Variants in SPINK5 observed in about 807,000 individuals in gnomAD.
SPINK5 encodes the protein serine peptidase inhibitor Kazal type 5, also known as serine protease inhibitor Kazal-type 5.
A neutral mutation model predicts 151.8 loss-of-function variants in SPINK5; 125 were observed. That is an observed-to-expected ratio of 0.82 (90% CI 0.71 to 0.96). The LOEUF (loss-of-function observed/expected upper bound fraction) is 0.96. SPINK5 is among the 40% of genes least tolerant of loss of function. SPINK5 has a pLI of 0.00. For missense variants in SPINK5, 1,194 were observed against 1,291.9 expected (o/e 0.92, Z 1.16); for synonymous variants, 374 against 395.3 (o/e 0.95, Z 0.64).
intron 29 of SPINK5, 117 bp downstream of exon 29, chr5:148,125,967 T>C: frequency 6.7e-7 from 1 of 1,496,250 alleles, no homozygotes; most frequent in Non-Finnish European, 9.3e-7. Context: ...AATAAGTCTT[T>C]AGAATTAAAG....
Position 148,128,233 on chromosome 5 carries a change from T to A in SPINK5, c.2964+1154T>A, listed in dbSNP as rs201989349. ...TATTAACAAAATATGTTTTTTTTTTTAAATACTAAAGTATAATAGTTACAT... is the reference window on the plus strand; with the variant it reads ...TATTAACAAAATATGTTTTTTTTTTAAAATACTAAAGTATAATAGTTACAT... On this transcript the variant is annotated intron_variant, in intron 30 of 32. Transcript: ENST00000256084. Among the ~76,000 whole-genome samples, 283 of 139,350 alleles carry A rather than the reference T, an allele frequency of 2.0e-3. 7 individuals are homozygous for A. The East Asian group carries it at 0.053, about 26-fold the overall frequency. 91.4% of individuals were successfully genotyped at this position (139,350 alleles called of 152,430 possible).
At chr5:148,125,920 T>G in intron 29 of SPINK5, 70 bp downstream of exon 29, 1 of 1,604,724 alleles carries the variant, frequency 6.2e-7, no homozygotes, top group Non-Finnish European at 8.5e-7. Flanking sequence ...GCTGCTTGAA[T>G]AAGTTTGTAT....
chr5:148,129,375 G>T (rs2113228426), intron 30 of SPINK5, among the ~76,000 whole-genome samples: 1 of 152,318 alleles, frequency 6.6e-6, no homozygotes, highest in South Asian at 2.1e-4. Context: ...GTTAGCTATT[G>T]CAGTTGTCTA....
intron 19 of SPINK5, 28 bp from the exon 20 acceptor site, chr5:148,112,840 G>T: frequency 6.2e-7 from 1 of 1,613,558 alleles, no homozygotes; most frequent in Non-Finnish European, 8.5e-7. Flanking sequence ...TGCTAGGAAT[G>T]ATTGTTTTGT....
At chr5:148,078,467 T>C (rs1388697691) in intron 4 of SPINK5, among the ~76,000 whole-genome samples, 2 of 151,146 alleles carry the variant, frequency 1.3e-5, no homozygotes, top group African/African-American at 2.4e-5. Context: ...ACAGTGCTTC[T>C]CCGTTGATTG....
At chr5:148,129,528 G>A (rs746874743) in intron 30 of SPINK5, among the ~76,000 whole-genome samples, 16 of 151,944 alleles carry the variant, frequency 1.1e-4, no homozygotes, top group Non-Finnish European at 8.8e-5. Flanking sequence ...GAGAGAGAGA[G>A]AGTAAGGAAC....
chr5:148,076,636 G>A (rs1236658677), intron 4 of SPINK5, among the ~76,000 whole-genome samples: 1 of 151,680 alleles, frequency 6.6e-6, no homozygotes, highest in South Asian at 2.1e-4. Context: ...GATGTTAGAT[G>A]TGGCAGACAA....
At chr5:148,123,441 C>A (rs368390694) in intron 26 of SPINK5, among the ~76,000 whole-genome samples, 74 of 65,370 alleles carry the variant, frequency 1.1e-3, no homozygotes, top group African/African-American at 2.9e-3. Flanking sequence ...TATTATCTAT[C>A]TATCTATATA....
In SPINK5 at chr5:148,123,939, G is replaced by A. The variant is rs1199867380; in HGVS notation, c.2645G>A (p.Cys882Tyr). The A allele has an allele frequency of 4.3e-6, 7 of 1,613,990 alleles. No individual in the cohort carries two copies. In the South Asian group the frequency reaches 5.5e-5, roughly 13 times the overall value. ...TATGGCAAGATGCACATCAATAAAT[G>A]TGCTATGTGTCAGAGCATCTTGTAC... ...GPYGKMHINK[C>Y]AMCQSIFDRE... Residue 882 changes from cysteine (C) to tyrosine (Y), a missense_variant, in exon 27 of 33, where the codon TGT becomes TAT. Coordinates refer to ENST00000256084, the MANE Select transcript of SPINK5 (RefSeq NM_006846.4).
chr5:148,101,978 C>A (rs1753660321), intron 15 of SPINK5, 70 bp downstream of exon 15: 1 of 1,604,692 alleles, frequency 6.2e-7, no homozygotes, highest in African/African-American at 1.3e-5. Context: ...AGTTTTCAAA[C>A]CATTGTGAAT....
chr5:148,064,449 T>G (rs1752523112), intron 1 of SPINK5, among the ~76,000 whole-genome samples: 1 of 152,164 alleles, frequency 6.6e-6, no homozygotes, highest in African/African-American at 2.4e-5. Context: ...CATTTAAAAC[T>G]TAATTGTAAA....
At chr5:148,071,539 G>A (rs1752737496) in intron 3 of SPINK5, among the ~76,000 whole-genome samples, 1 of 151,984 alleles carries the variant, frequency 6.6e-6, no homozygotes, top group Admixed American at 6.6e-5. Flanking sequence ...GAGACTGAAA[G>A]TATGAATATA....
rs908861811 is a variant in SPINK5, at chr5:148,095,963, T to G, written c.882+58T>G. 7 of 1,298,494 alleles carry G rather than the reference T, an allele frequency of 5.4e-6. No homozygotes were observed. In the African/African-American group the frequency reaches 5.8e-5, roughly 11 times the overall value. 80.4% of individuals were successfully genotyped at this position (1,298,494 alleles called of 1,614,324 possible). On this transcript the variant is annotated intron_variant, in intron 10 of 32. Coordinates refer to ENST00000256084, the MANE Select transcript of SPINK5 (RefSeq NM_006846.4). ...TTGTGTGTGTGTGGGGGGGTGCGTG[T>G]GTGAGAGAGTGCATATTACATAGTA...
intron 15 of SPINK5, among the ~76,000 whole-genome samples, chr5:148,103,701 A>C (rs1753706992): frequency 6.6e-6 from 1 of 152,194 alleles, no homozygotes; most frequent in Non-Finnish European, 1.5e-5. Flanking sequence ...CATGTTTTAT[A>C]GATATGTTAA....
chr5:148,118,017 T>TTTG (rs1561699834), intron 22 of SPINK5, among the ~76,000 whole-genome samples: 69 of 151,778 alleles, frequency 4.5e-4, no homozygotes, highest in Non-Finnish European at 8.5e-4. Flanking sequence ...TTAGGGGTTT[T>TTTG]TTTGTTTGTT....
intron 5 of SPINK5, among the ~76,000 whole-genome samples, chr5:148,087,294 C>T (rs1753186594): frequency 6.6e-6 from 1 of 151,792 alleles, no homozygotes; most frequent in African/African-American, 2.4e-5. Flanking sequence ...AACAAGATGA[C>T]ATACCTGCTT....
chr5:148,065,901 A>G (rs1359069845), intron 2 of SPINK5, among the ~76,000 whole-genome samples: 1 of 152,196 alleles, frequency 6.6e-6, no homozygotes, highest in African/African-American at 2.4e-5. Flanking sequence ...CTGCCCTGAA[A>G]ATTACGTTTT....
At chr5:148,065,545 T>TCA (rs3036741) in intron 2 of SPINK5, 173 bp downstream of exon 2, 12,190 of 606,462 alleles carry the variant, frequency 0.02, 312 homozygotes, top group African/African-American at 0.11. Flanking sequence ...AGCCTCTCTC[T>TCA]CACACACACA....
chr5:148,088,075 C>A (rs922299112), intron 5 of SPINK5, among the ~76,000 whole-genome samples: 1 of 151,636 alleles, frequency 6.6e-6, no homozygotes, highest in Non-Finnish European at 1.5e-5. Flanking sequence ...CGAGACTGAA[C>A]AAAATTAATT....
Sources: gnomAD v4.1 joint callset for allele counts (sites outside exome capture counted in the v4.1 genomes callset) on GRCh38, gnomAD v4.1.1 for gene constraint, MANE v1.5 for transcripts, NCBI Gene and HGNC (gene_info 2026-07-23, HGNC 2026-07-21) for gene names.